Variants in PTPRA observed in about 807,000 individuals in gnomAD.
The protein encoded by PTPRA is receptor-type tyrosine-protein phosphatase alpha.
Under a neutral mutation model 104.8 loss-of-function variants are expected in PTPRA, and 25 were observed. The ratio of observed to expected loss-of-function variants is 0.24; its 90% confidence interval spans 0.17 to 0.33. The LOEUF is 0.33. Among genes scored for constraint, PTPRA ranks in the 10% least tolerant of loss-of-function variants. The pLI, the probability that PTPRA is intolerant of heterozygous loss-of-function variation, is 1.00. For missense variants in PTPRA, 765 were observed against 1,015.3 expected (o/e 0.75, Z 3.35); for synonymous variants, 323 against 368.9 (o/e 0.88, Z 1.43).
At chr20:2,970,376 G>T (rs2062134556) in intron 5 of PTPRA, among the ~76,000 whole-genome samples, 1 of 152,164 alleles carries the variant, frequency 6.6e-6, no homozygotes, top group African/African-American at 2.4e-5. Flanking sequence ...TCTTCAGTGT[G>T]GTGAATTGTT....
At chr20:2,881,024 G>A (rs1037491060) in intron 1 of PTPRA, among the ~76,000 whole-genome samples, 3 of 151,468 alleles carry the variant, frequency 2.0e-5, no homozygotes, top group Admixed American at 1.3e-4. Context: ...AAAAAAAGAG[G>A]AGGACCGGGC....
At chr20:2,945,584 TGTGTGTGTGTG>T (rs2061095963) in intron 2 of PTPRA, among the ~76,000 whole-genome samples, 1 of 21,258 alleles carries the variant, frequency 4.7e-5, no homozygotes, top group Admixed American at 7.0e-4. Flanking sequence ...AATTGGCAGG[TGTGTGTGTGTG>T]TGTGTGTGTG....
chr20:2,959,168 G>T (rs901165073), intron 3 of PTPRA, among the ~76,000 whole-genome samples: 5 of 152,224 alleles, frequency 3.3e-5, no homozygotes, highest in South Asian at 4.2e-4. Context: ...CTTAACTTCT[G>T]ATGTGTCTTT....
chr20:2,910,307 A>G (rs1385141669), intron 1 of PTPRA, among the ~76,000 whole-genome samples: 2 of 114,322 alleles, frequency 1.7e-5, no homozygotes, highest in Admixed American at 1.1e-4. Flanking sequence ...TATATATTTT[A>G]TATATTATAA....
chr20:2,946,236 G>A (rs2061126545), intron 2 of PTPRA, among the ~76,000 whole-genome samples: 1 of 152,012 alleles, frequency 6.6e-6, no homozygotes, highest in African/African-American at 2.4e-5. Context: ...TGCGCAGTGG[G>A]GAGTTGAGAT....
intron 11 of PTPRA, among the ~76,000 whole-genome samples, chr20:3,007,822 G>A (rs902629355): frequency 1.0e-5 from 1 of 95,342 alleles, no homozygotes; most frequent in Non-Finnish European, 1.9e-5. Flanking sequence ...ATGTGTGTGT[G>A]TGTGTCTGTG....
intron 1 of PTPRA, among the ~76,000 whole-genome samples, chr20:2,898,331 C>T (rs181940536): frequency 0.038 from 5,701 of 151,528 alleles, 268 homozygotes; most frequent in Admixed American, 0.11. Flanking sequence ...CCGCCCACCT[C>T]GGCCTCCCAA....
chr20:2,868,618 C>CTTTTTTT (rs56081198), upstream of PTPRA, among the ~76,000 whole-genome samples: 5 of 45,212 alleles, frequency 1.1e-4, 2 homozygotes, highest in Admixed American at 3.6e-4. Flanking sequence ...TCATTCTGGG[C>CTTTTTTT]TTTTTTTTTT....
intron 1 of PTPRA, among the ~76,000 whole-genome samples, chr20:2,885,510 T>C (rs1022339478): frequency 2.0e-5 from 3 of 152,210 alleles, no homozygotes; most frequent in African/African-American, 7.2e-5. Context: ...AATCTTCTGA[T>C]CAATCATAAC....
intron 6 of PTPRA, 136 bp from the exon 7 acceptor site, chr20:2,986,629 C>A: frequency 1.3e-6 from 1 of 756,278 alleles, no homozygotes; most frequent in South Asian, 1.6e-5. Flanking sequence ...CTCATACTTT[C>A]TTCTCTGTTT....
At chr20:2,999,952 A>G (rs779574061) in intron 9 of PTPRA, among the ~76,000 whole-genome samples, 7 of 152,176 alleles carry the variant, frequency 4.6e-5, no homozygotes, top group Non-Finnish European at 8.8e-5. Flanking sequence ...TGATAAAGGA[A>G]GAGTATCCAG....
chr20:2,909,514 G>A (rs901264608), intron 1 of PTPRA, among the ~76,000 whole-genome samples: 23 of 151,550 alleles, frequency 1.5e-4, no homozygotes, highest in African/African-American at 4.6e-4. Flanking sequence ...CCCAGGAGGC[G>A]GAGGTTGCAG....
intron 2 of PTPRA, among the ~76,000 whole-genome samples, chr20:2,944,723 A>G (rs1024256746): frequency 4.0e-5 from 6 of 151,660 alleles, no homozygotes; most frequent in African/African-American, 1.5e-4. Context: ...CCATCTTTGC[A>G]AACAGTCTAC....
At chr20:2,947,342 G>A (rs998318381) in intron 2 of PTPRA, among the ~76,000 whole-genome samples, 9 of 152,076 alleles carry the variant, frequency 5.9e-5, no homozygotes, top group Admixed American at 2.6e-4. Context: ...CAGACCTTAG[G>A]ACTTAGGCTG....
At chr20:3,036,935 C>T (rs1325581727) in intron 22 of PTPRA, among the ~76,000 whole-genome samples, 4 of 152,160 alleles carry the variant, frequency 2.6e-5, no homozygotes, top group African/African-American at 4.8e-5. Context: ...TCGTCCCCCA[C>T]GGTCCAACAG....
chr20:2,998,191 A>AT (rs1400892919), intron 9 of PTPRA, among the ~76,000 whole-genome samples: 1 of 152,080 alleles, frequency 6.6e-6, no homozygotes. Context: ...AAAAAAAAAA[A>AT]AAAAAGGCTT....
At chr20:2,865,025 C>G in the PTPRA span, 2 of 1,614,196 alleles carry the variant, frequency 1.2e-6, no homozygotes, top group Non-Finnish European at 1.7e-6. The surrounding 1 kb of genome is among the most constrained non-coding windows in gnomAD (Gnocchi z 5.2). Context: ...CCGATGCCTT[C>G]TACAAGGCCA....
intron 9 of PTPRA, among the ~76,000 whole-genome samples, chr20:3,001,456 T>C (rs1436294096): frequency 6.6e-6 from 1 of 152,206 alleles, no homozygotes; most frequent in Non-Finnish European, 1.5e-5. Flanking sequence ...GAAGACTGTT[T>C]TCAAGAGTCT....
intron 22 of PTPRA, among the ~76,000 whole-genome samples, chr20:3,036,200 C>A (rs1248479858): frequency 1.3e-5 from 2 of 152,074 alleles, no homozygotes; most frequent in African/African-American, 2.4e-5. Flanking sequence ...GCAGTGGAGA[C>A]CCCGGTTGTG....
Sources: allele counts gnomAD v4.1 joint callset (sites outside exome capture counted in the v4.1 genomes callset), GRCh38; gene constraint gnomAD v4.1.1; non-coding constraint Gnocchi (gnomAD v3.1); transcripts MANE v1.5; gene names NCBI Gene and HGNC (gene_info 2026-07-23, HGNC 2026-07-21).